Variants in PIAS1 observed in about 807,000 individuals in gnomAD.
PIAS1 encodes the protein E3 SUMO-protein ligase PIAS1.
PIAS1 carries 6 observed loss-of-function variants against 71.3 expected under a neutral mutation model. The ratio of observed to expected loss-of-function variants is 0.08; its 90% confidence interval spans 0.05 to 0.17. The LOEUF is 0.17. PIAS1 is among the 10% of genes least tolerant of loss of function. PIAS1 has a pLI of 1.00. For synonymous variants in PIAS1, 303 were observed against 292.9 expected, an observed-to-expected ratio of 1.03 and a Z score of -0.35; for missense variants, 555 against 793.6, an observed-to-expected ratio of 0.70 and a Z score of 3.61.
In PIAS1 at chr15:68,187,446, G is replaced by A; in HGVS notation, c.1663-96G>A. 1 of 1,124,274 alleles carries A rather than the reference G, an allele frequency of 8.9e-7. No homozygotes were observed. The highest frequency in any genetic ancestry group is 1.3e-6 in the Non-Finnish European group (1 of 774,722). The allele number at this position is 1,124,274 out of a possible 1,614,324, so 69.6% of individuals were successfully genotyped here. On this transcript the variant is annotated intron_variant, in intron 13 of 13. Coordinates refer to ENST00000249636, the MANE Select transcript of PIAS1 (RefSeq NM_016166.3). The surrounding 1 kb of genome is among the most constrained non-coding windows in gnomAD (Gnocchi z 5.3). ...TATTTCAGAAACCCTAGATACTCAG[G>A]CTATCTTAAATTTAGGGCTGTGTCC...
chr15:68,070,245 G>A (rs2092080266), intron 1 of PIAS1, among the ~76,000 whole-genome samples: 2 of 152,170 alleles, frequency 1.3e-5, no homozygotes, highest in South Asian at 4.1e-4. Flanking sequence ...GGCATGGAGG[G>A]ACAATGGAAT....
At chr15:68,142,615 T>C (rs566965193) in intron 4 of PIAS1, among the ~76,000 whole-genome samples, 1 of 151,478 alleles carries the variant, frequency 6.6e-6, no homozygotes, top group Non-Finnish European at 1.5e-5. Flanking sequence ...CCAATTTAGA[T>C]TTTTCCCCTG....
intron 2 of PIAS1, among the ~76,000 whole-genome samples, chr15:68,129,710 A>G (rs1391193061): frequency 6.6e-6 from 1 of 152,062 alleles, no homozygotes; most frequent in African/African-American, 2.4e-5. Flanking sequence ...AGTGGATTAG[A>G]TAATTTATGT....
intron 1 of PIAS1, among the ~76,000 whole-genome samples, chr15:68,071,897 A>G (rs1438317395): frequency 3.3e-5 from 5 of 151,910 alleles, no homozygotes; most frequent in Non-Finnish European, 7.4e-5. Flanking sequence ...GCAGTGAGCC[A>G]TGATCATGCT....
At chr15:68,069,481 G>C (rs2140963112) in intron 1 of PIAS1, among the ~76,000 whole-genome samples, 1 of 152,208 alleles carries the variant, frequency 6.6e-6, no homozygotes, top group African/African-American at 2.4e-5. Flanking sequence ...CATCATTTGG[G>C]AATGAAATAG....
intron 8 of PIAS1, among the ~76,000 whole-genome samples, chr15:68,166,421 A>C (rs2092958255): frequency 6.6e-6 from 1 of 151,778 alleles, no homozygotes; most frequent in South Asian, 2.1e-4. Flanking sequence ...GAAAAAGACA[A>C]ATTTTTTTTT....
chr15:68,164,536 A>G lies in PIAS1; in HGVS notation c.935-195A>G, dbSNP rs535108863. 1.6e-3 allele frequency among the ~76,000 whole-genome samples: 248 copies of G among 152,354 alleles called. 1 individual carries two copies. Among genetic ancestry groups the G allele is most frequent in the Middle Eastern group, 3.4e-3 (1 of 294 alleles). On this transcript the variant is annotated intron_variant, in intron 7 of 13. Transcript: ENST00000249636. Reference sequence around the variant, plus strand: ...AATTTATAGGAAACATAGTCATTCTACAGATAAACAATTGTTTTCCATCCT... The same window carrying G: ...AATTTATAGGAAACATAGTCATTCTGCAGATAAACAATTGTTTTCCATCCT...
intron 2 of PIAS1, among the ~76,000 whole-genome samples, chr15:68,093,739 A>G (rs2092351883): frequency 6.6e-6 from 1 of 152,226 alleles, no homozygotes; most frequent in Non-Finnish European, 1.5e-5. Flanking sequence ...TTTATCATAC[A>G]GTTGTATGTT....
At chr15:68,144,913 C>G (rs149404595) in intron 4 of PIAS1, among the ~76,000 whole-genome samples, 8 of 152,024 alleles carry the variant, frequency 5.3e-5, no homozygotes, top group Non-Finnish European at 1.0e-4. Context: ...GACCCCATAC[C>G]GCAGGTGTTG....
At chr15:68,096,223 G>C (rs745342229) in intron 2 of PIAS1, among the ~76,000 whole-genome samples, 20 of 152,158 alleles carry the variant, frequency 1.3e-4, no homozygotes, top group Non-Finnish European at 2.6e-4. Flanking sequence ...AGCCTTGTCA[G>C]AGATCATTTG....
At chr15:68,121,018 TAAAC>T (rs1286785637) in intron 2 of PIAS1, among the ~76,000 whole-genome samples, 1 of 152,218 alleles carries the variant, frequency 6.6e-6, no homozygotes, top group Non-Finnish European at 1.5e-5. Flanking sequence ...GATACTTAAA[TAAAC>T]AATTCTTTAT....
intron 1 of PIAS1, among the ~76,000 whole-genome samples, chr15:68,063,377 A>G (rs921071088): frequency 6.6e-6 from 1 of 152,216 alleles, no homozygotes; most frequent in African/African-American, 2.4e-5. Flanking sequence ...ATTTTTTCTC[A>G]TATGTTAAAA....
At chr15:68,149,279 G>A (rs1212995871) in intron 6 of PIAS1, among the ~76,000 whole-genome samples, 1 of 151,492 alleles carries the variant, frequency 6.6e-6, no homozygotes, top group East Asian at 1.9e-4. Context: ...CATATTGGTG[G>A]TTATTGGAAC....
chr15:68,070,482 G>A (rs528315938), intron 1 of PIAS1, among the ~76,000 whole-genome samples: 1 of 152,222 alleles, frequency 6.6e-6, no homozygotes, highest in East Asian at 1.9e-4. Context: ...ATGATGAGGA[G>A]TTAAGTTGGA....
intron 1 of PIAS1, among the ~76,000 whole-genome samples, chr15:68,069,271 A>G (rs934527953): frequency 6.6e-6 from 1 of 152,110 alleles, no homozygotes; most frequent in African/African-American, 2.4e-5. Context: ...CTGGGCTTAT[A>G]ATAAGTATTC....
intron 7 of PIAS1, among the ~76,000 whole-genome samples, chr15:68,160,422 G>A (rs1364010117): frequency 6.6e-6 from 1 of 152,088 alleles, no homozygotes; most frequent in African/African-American, 2.4e-5. Context: ...ATTGACCATA[G>A]ATGTATAAAT....
chr15:68,120,677 CAG>C (rs1193478366), intron 2 of PIAS1, among the ~76,000 whole-genome samples: 1 of 152,188 alleles, frequency 6.6e-6, no homozygotes, highest in Non-Finnish European at 1.5e-5. Flanking sequence ...TTGTTTGAAA[CAG>C]AGTCTTACTG....
intron 11 of PIAS1, among the ~76,000 whole-genome samples, chr15:68,180,870 G>T (rs537659406): frequency 5.3e-5 from 8 of 152,290 alleles, no homozygotes; most frequent in African/African-American, 1.9e-4. Context: ...TTCATTTGAT[G>T]TAGGTATCTT....
chr15:68,182,451 TGTG>T lies in PIAS1; in HGVS notation c.1624+1098_1624+1100del, dbSNP rs2093059865. Among the ~76,000 whole-genome samples, 3 of 145,216 alleles carry T rather than the reference TGTG, an allele frequency of 2.1e-5. 1 individual carries two copies. The highest frequency in any genetic ancestry group is 7.6e-5 in the African/African-American group (3 of 39,224). ...GTGTGTGTGTGTGTGTGTGTGTGTG[TGTG>T]TGTGTGTCGGAGTTTTGCTCTTATT... On this transcript the variant is annotated intron_variant, in intron 12 of 13. Coordinates refer to ENST00000249636, the MANE Select transcript of PIAS1 (RefSeq NM_016166.3).
Sources: gnomAD v4.1 joint callset for allele counts (sites outside exome capture counted in the v4.1 genomes callset) on GRCh38, gnomAD v4.1.1 for gene constraint, Gnocchi (gnomAD v3.1) non-coding constraint, MANE v1.5 for transcripts, NCBI Gene and HGNC (gene_info 2026-07-23, HGNC 2026-07-21) for gene names.